Variants in PPARD observed in about 807,000 individuals in gnomAD.
The protein encoded by PPARD is peroxisome proliferator-activated receptor delta.
PPARD carries 6 observed loss-of-function variants against 39.5 expected under a neutral mutation model. That is an observed-to-expected ratio of 0.15 (90% confidence interval 0.08 to 0.30). The LOEUF (loss-of-function observed/expected upper bound fraction) is 0.30. Among genes scored for constraint, PPARD ranks in the 10% least tolerant of loss-of-function variants. The pLI, the probability that PPARD is intolerant of heterozygous loss-of-function variation, is 1.00. For missense variants in PPARD, 397 were observed against 596.8 expected (o/e 0.67, Z 3.49); for synonymous variants, 210 against 231.3 (o/e 0.91, Z 0.83).
chr6:35,358,495 C>T (rs149617006), intron 2 of PPARD, among the ~76,000 whole-genome samples: 444 of 152,318 alleles, frequency 2.9e-3, no homozygotes, highest in Non-Finnish European at 4.9e-3. Flanking sequence ...GGCTCATCTG[C>T]CTCCAGGTAC....
chr6:35,408,462 A>C (rs914042366), intron 2 of PPARD, among the ~76,000 whole-genome samples: 5 of 152,162 alleles, frequency 3.3e-5, no homozygotes, highest in African/African-American at 1.2e-4. Flanking sequence ...GCAGGACAGC[A>C]CCTGTGAACA....
intron 3 of PPARD, 151 bp downstream of exon 3, chr6:35,411,368 G>C (rs1581652149): frequency 9.9e-7 from 1 of 1,008,224 alleles, no homozygotes; most frequent in East Asian, 3.1e-5. Context: ...CGCCCAGTGC[G>C]GTGGGGATCT....
intron 2 of PPARD, among the ~76,000 whole-genome samples, chr6:35,351,130 A>G (rs1225858880): frequency 1.3e-5 from 2 of 151,288 alleles, no homozygotes; most frequent in South Asian, 2.1e-4. Context: ...GGTTCATGCC[A>G]TTCTCCTGCC....
intron 2 of PPARD, among the ~76,000 whole-genome samples, chr6:35,406,753 G>A (rs1272166076): frequency 1.3e-5 from 2 of 152,074 alleles, no homozygotes; most frequent in East Asian, 1.9e-4. Flanking sequence ...TACACCTCCC[G>A]AAACTGAGAA....
At chr6:35,416,944 C>T (rs1031513787) in intron 3 of PPARD, among the ~76,000 whole-genome samples, 21 of 151,780 alleles carry the variant, frequency 1.4e-4, no homozygotes, top group African/African-American at 4.4e-4. Context: ...TTAAGTTACA[C>T]CTTACCTTTC....
intron 2 of PPARD, among the ~76,000 whole-genome samples, chr6:35,393,806 AT>A (rs1371582441): frequency 6.6e-6 from 1 of 152,148 alleles, no homozygotes; most frequent in African/African-American, 2.4e-5. Flanking sequence ...CTTCTCAAAT[AT>A]TTGTTAAGTG....
intron 1 of PPARD, 77 bp from the exon 2 acceptor site, chr6:35,346,990 G>A: frequency 3.5e-6 from 3 of 846,334 alleles, no homozygotes; most frequent in Non-Finnish European, 5.5e-6. Context: ...GTTACGGTGG[G>A]TATAACTTAT....
intron 2 of PPARD, among the ~76,000 whole-genome samples, chr6:35,374,104 T>G (rs1762649062): frequency 6.6e-6 from 1 of 152,122 alleles, no homozygotes; most frequent in Non-Finnish European, 1.5e-5. Flanking sequence ...TGCTGGTGAA[T>G]CTGTTTCTCC....
intron 2 of PPARD, chr6:35,348,725 A>G: frequency 2.0e-6 from 2 of 985,196 alleles, no homozygotes; most frequent in African/African-American, 3.5e-5. Flanking sequence ...TCTTTCAGGA[A>G]GGTCCTGGGT....
chr6:35,364,167 G>T (rs1297554437), intron 2 of PPARD, among the ~76,000 whole-genome samples: 1 of 151,990 alleles, frequency 6.6e-6, no homozygotes, highest in Non-Finnish European at 1.5e-5. Flanking sequence ...AGCCTTTTGT[G>T]TCTGAACAAT....
At chr6:35,371,406 T>G (rs1331829690) in intron 2 of PPARD, among the ~76,000 whole-genome samples, 3 of 152,182 alleles carry the variant, frequency 2.0e-5, no homozygotes, top group African/African-American at 7.2e-5. Flanking sequence ...GACCATCTGC[T>G]CTTATAGCTA....
chr6:35,383,867 G>A (rs1763332530), intron 2 of PPARD, among the ~76,000 whole-genome samples: 1 of 145,978 alleles, frequency 6.9e-6, no homozygotes, highest in Non-Finnish European at 1.5e-5. Flanking sequence ...GAGCCTCTCC[G>A]CCCGGCAGCC....
rs1233911325 is a variant in PPARD, at chr6:35,426,176, C to A, written c.*97C>A. On this transcript the variant is annotated 3_prime_UTR_variant, in exon 8 of 8. Coordinates refer to ENST00000360694, the MANE Select transcript of PPARD (RefSeq NM_006238.5). ...CATTGACCAGCCCTTGAGCACCCGGCCTGGAGCAGCAGAGTCCCACGATCG... is the reference window on the plus strand; with the variant it reads ...CATTGACCAGCCCTTGAGCACCCGGACTGGAGCAGCAGAGTCCCACGATCG... 9 of 1,493,378 alleles carry A rather than the reference C, an allele frequency of 6.0e-6. No individual in the cohort carries two copies. Among genetic ancestry groups the A allele is most frequent in the East Asian group, 2.4e-5 (1 of 42,264 alleles). The allele number at this position is 1,493,378 out of a possible 1,614,324, so 92.5% of individuals were successfully genotyped here. A position where few individuals can be genotyped will look rare whatever the true frequency, so the allele number is the denominator to read the frequency against.
chr6:35,355,221 C>T (rs1761502730), intron 2 of PPARD, among the ~76,000 whole-genome samples: 5 of 151,976 alleles, frequency 3.3e-5, no homozygotes, highest in Admixed American at 2.6e-4. Flanking sequence ...CAGCCAGGCA[C>T]AGTGAATCAC....
intron 2 of PPARD, among the ~76,000 whole-genome samples, chr6:35,347,691 C>G (rs925405086): frequency 6.6e-6 from 1 of 152,074 alleles, no homozygotes; most frequent in African/African-American, 2.4e-5. Flanking sequence ...TCACTGCCAC[C>G]TCCTTCTCCT....
chr6:35,413,921 C>T (rs1581656804), intron 3 of PPARD, among the ~76,000 whole-genome samples: 1 of 152,182 alleles, frequency 6.6e-6, no homozygotes, highest in South Asian at 2.1e-4. Flanking sequence ...TCAGGTGATC[C>T]TCCCGCCTCG....
intron 2 of PPARD, among the ~76,000 whole-genome samples, chr6:35,359,728 T>G (rs918332892): frequency 2.0e-5 from 3 of 152,206 alleles, no homozygotes; most frequent in Non-Finnish European, 4.4e-5. Flanking sequence ...GGCTCCCACA[T>G]GTTGAATGCA....
At chr6:35,383,362 C>T (rs1763258727) in intron 2 of PPARD, among the ~76,000 whole-genome samples, 1 of 152,154 alleles carries the variant, frequency 6.6e-6, no homozygotes, top group Non-Finnish European at 1.5e-5. Context: ...AGTGCAGTGG[C>T]GTGGTCCCGG....
At chr6:35,385,469 T>G (rs1289823018) in intron 2 of PPARD, among the ~76,000 whole-genome samples, 37 of 150,288 alleles carry the variant, frequency 2.5e-4, no homozygotes, top group Admixed American at 7.3e-4. Context: ...CTCCCTAATC[T>G]CAAGTACCCA....
Sources: gnomAD v4.1 joint callset for allele counts (sites outside exome capture counted in the v4.1 genomes callset) on GRCh38, gnomAD v4.1.1 for gene constraint, MANE v1.5 for transcripts, NCBI Gene and HGNC (gene_info 2026-07-23, HGNC 2026-07-21) for gene names.